Variants in KYNU observed in about 807,000 individuals in gnomAD.
KYNU encodes the protein L-kynurenine hydrolase.
Under a neutral mutation model 59.2 loss-of-function variants are expected in KYNU, and 54 were observed. The observed-to-expected ratio is 0.91, with a 90% CI of 0.73 to 1.14. The LOEUF is 1.14. Ranked by LOEUF, KYNU falls within the 50% of genes most tolerant of loss-of-function variation. The pLI is 0.00. For synonymous variants in KYNU, 177 were observed against 192.0 expected, an observed-to-expected ratio of 0.92 and a Z score of 0.65; for missense variants, 567 against 554.4, an observed-to-expected ratio of 1.02 and a Z score of -0.23.
At chr2:142,923,560 T>C (rs1464921726) in intron 3 of KYNU, among the ~76,000 whole-genome samples, 2 of 152,222 alleles carry the variant, frequency 1.3e-5, no homozygotes, top group Non-Finnish European at 2.9e-5. Flanking sequence ...ATATTAAATA[T>C]TTACTAATGA....
Position 143,055,646 on chromosome 2 carries a change from GGAA to G in KYNU, c.*13476_*13478del, listed in dbSNP as rs1558994297. On this transcript the variant is annotated 3_prime_UTR_variant, in exon 14 of 14. Coordinates refer to ENST00000264170, the MANE Select transcript of KYNU (RefSeq NM_003937.3). ...TCATCTTACCACAGGAAGGAAGGAA[GGAA>G]GGAAGGAAGGAAGGAAGGAAGGAAG... 8.5e-3 allele frequency: 1,275 copies of G among 150,592 alleles called. 19 individuals are homozygous for G. The highest frequency in any genetic ancestry group is 0.03 in the African/African-American group (1,218 of 40,852). The allele number at this position is 150,592 out of a possible 1,614,324, so 9.3% of individuals were successfully genotyped here.
rs1687075102 is a variant in KYNU, at chr2:143,042,139, T to C, written c.1365T>C (p.Thr455=). ...TTTATAAATTTACCAATCTGCTCAC[T>C]TCTATACTTGACTCTGCAGAAACAA... ...HDVYKFTNLL[T]SILDSAETKN Residue 455 remains threonine, a synonymous_variant, in exon 14 of 14, where the codon ACT becomes ACC. Coordinates refer to ENST00000264170, the MANE Select transcript of KYNU (RefSeq NM_003937.3). 11 of 1,610,418 alleles carry C rather than the reference T, an allele frequency of 6.8e-6. No individual in the cohort carries two copies. The highest frequency in any genetic ancestry group is 9.3e-6 in the Non-Finnish European group (11 of 1,178,472).
chr2:142,960,481 T>C (rs1188997193), intron 7 of KYNU, 143 bp from the exon 8 acceptor site: 1 of 606,190 alleles, frequency 1.6e-6, no homozygotes, highest in African/African-American at 1.9e-5. Context: ...GCTGCTCTTA[T>C]GCCAGATTTT....
chr2:142,994,696 A>G (rs1289948582), intron 10 of KYNU, among the ~76,000 whole-genome samples: 2 of 152,048 alleles, frequency 1.3e-5, no homozygotes, highest in Non-Finnish European at 2.9e-5. Flanking sequence ...TTAATTCTAA[A>G]TTCTTTGAGT....
chr2:143,049,128 A>T lies in KYNU; in HGVS notation c.*6956A>T, dbSNP rs1387304888. 6.6e-6 allele frequency: 1 copy of T among 152,182 alleles called. No homozygotes were observed. Among genetic ancestry groups the T allele is most frequent in the Non-Finnish European group, 1.5e-5 (1 of 68,032 alleles). The allele number at this position is 152,182 out of a possible 1,614,324, so 9.4% of individuals were successfully genotyped here. On this transcript the variant is annotated 3_prime_UTR_variant, in exon 14 of 14. Transcript: ENST00000264170. ...TATTTCCTTTTTAAAATAAAAGGGT[A>T]TATGTTAGAATTTTTCACTCTCTCC...
At chr2:143,026,185 A>G (rs1286115832) in intron 10 of KYNU, among the ~76,000 whole-genome samples, 2 of 152,188 alleles carry the variant, frequency 1.3e-5, no homozygotes, top group Non-Finnish European at 1.5e-5. Context: ...CTAGAATCAC[A>G]CTCAAAATAT....
chr2:142,985,723 G>A (rs185935005), intron 9 of KYNU, among the ~76,000 whole-genome samples: 20 of 151,886 alleles, frequency 1.3e-4, no homozygotes, highest in Admixed American at 6.6e-5. Flanking sequence ...AAATTGCCCC[G>A]TAAAAGTAAT....
At chr2:142,996,699 C>T (rs935618454) in intron 10 of KYNU, among the ~76,000 whole-genome samples, 1 of 152,136 alleles carries the variant, frequency 6.6e-6, no homozygotes, top group African/African-American at 2.4e-5. Context: ...GGGGCCAGAA[C>T]ATTAAGATCC....
At position 143,053,537 on chromosome 2, in the gene KYNU, G is replaced by A. The variant is rs1030508690; in HGVS notation, c.*11365G>A. 6.6e-6 allele frequency: 1 copy of A among 152,172 alleles called. No homozygotes were observed. Among genetic ancestry groups the A allele is most frequent in the Non-Finnish European group, 1.5e-5 (1 of 68,038 alleles). 9.4% of individuals were successfully genotyped at this position (152,172 alleles called of 1,614,324 possible). On this transcript the variant is annotated 3_prime_UTR_variant, in exon 14 of 14. Coordinates refer to ENST00000264170, the MANE Select transcript of KYNU (RefSeq NM_003937.3). Reference sequence around the variant, plus strand: ...CTTGAATTTCTATGTGTTTGGAGAGGTACCCGGTGGGAGGTAATTGAATCA... The same window carrying A: ...CTTGAATTTCTATGTGTTTGGAGAGATACCCGGTGGGAGGTAATTGAATCA...
chr2:143,032,094 T>A (rs547820803), intron 11 of KYNU, among the ~76,000 whole-genome samples: 1 of 151,718 alleles, frequency 6.6e-6, no homozygotes, highest in Non-Finnish European at 1.5e-5. Context: ...TGGCTAACAC[T>A]GTGAAACCCC....
chr2:142,936,392 G>A (rs1272133149), intron 4 of KYNU, among the ~76,000 whole-genome samples: 1 of 152,156 alleles, frequency 6.6e-6, no homozygotes, highest in Non-Finnish European at 1.5e-5. Flanking sequence ...TCTTGTCTGA[G>A]GCCTAAGGTT....
chr2:142,895,904 T>G (rs926834464), intron 2 of KYNU, among the ~76,000 whole-genome samples: 2 of 152,160 alleles, frequency 1.3e-5, no homozygotes, highest in African/African-American at 4.8e-5. Context: ...AGTCTAATCT[T>G]GAACAAAGCT....
intron 2 of KYNU, among the ~76,000 whole-genome samples, chr2:142,894,799 C>G (rs190984074): frequency 1.3e-5 from 2 of 152,204 alleles, no homozygotes; most frequent in East Asian, 3.9e-4. Flanking sequence ...ATTATTTAAG[C>G]CAGACAGCTA....
rs759811110 is a variant in KYNU, at chr2:143,033,332, T to C, written c.1041+11T>C. 3.1e-6 allele frequency: 5 copies of C among 1,597,236 alleles called. No homozygotes were observed. The highest frequency in any genetic ancestry group is 4.5e-5 in the East Asian group (2 of 44,822). ...CATGCTAGTTTAGAGGTAAGTGATG[T>C]GTGTTTCAACCTTCCCACATCTTTG... On this transcript the variant is annotated intron_variant, in intron 12 of 13. Coordinates refer to ENST00000264170, the MANE Select transcript of KYNU (RefSeq NM_003937.3).
intron 12 of KYNU, among the ~76,000 whole-genome samples, chr2:143,034,510 T>A (rs1686838374): frequency 6.6e-6 from 1 of 152,188 alleles, no homozygotes; most frequent in African/African-American, 2.4e-5. Flanking sequence ...CACTGGATAG[T>A]GATCATCACC....
chr2:142,995,139 G>A (rs1685505406), intron 10 of KYNU, among the ~76,000 whole-genome samples: 1 of 152,056 alleles, frequency 6.6e-6, no homozygotes, highest in South Asian at 2.1e-4. Flanking sequence ...TTTCAGAAAA[G>A]TATATTCAGA....
At chr2:143,001,207 G>A (rs1685701080) in intron 10 of KYNU, among the ~76,000 whole-genome samples, 1 of 152,018 alleles carries the variant, frequency 6.6e-6, no homozygotes. Context: ...CACTAGGAGG[G>A]CACTTTAAGA....
chr2:142,910,205 C>T (rs933663125), intron 2 of KYNU, among the ~76,000 whole-genome samples: 5 of 131,636 alleles, frequency 3.8e-5, no homozygotes, highest in Non-Finnish European at 6.2e-5. Context: ...GGTGTGATCT[C>T]GGCTCATTGC....
At chr2:142,924,300 TCTCC>T (rs1276365743) in intron 3 of KYNU, among the ~76,000 whole-genome samples, 1 of 152,078 alleles carries the variant, frequency 6.6e-6, no homozygotes, top group Admixed American at 6.6e-5. Flanking sequence ...AGAGACGACG[TCTCC>T]CTATGTTGCC....
Sources: gnomAD v4.1 joint callset for allele counts (sites outside exome capture counted in the v4.1 genomes callset) on GRCh38, gnomAD v4.1.1 for gene constraint, MANE v1.5 for transcripts, NCBI Gene and HGNC (gene_info 2026-07-23, HGNC 2026-07-21) for gene names.